Variants in PRTFDC1 observed in about 807,000 individuals in gnomAD.
The protein encoded by PRTFDC1 is phosphoribosyl transferase domain containing 1.
PRTFDC1 carries 38 observed loss-of-function variants against 34.6 expected under a neutral mutation model. That is an observed-to-expected ratio of 1.10 (90% CI 0.85 to 1.44). PRTFDC1 has a LOEUF of 1.44. Ranked by LOEUF, PRTFDC1 falls within the 40% of genes most tolerant of loss-of-function variation. The pLI, the probability that PRTFDC1 is intolerant of heterozygous loss-of-function variation, is 0.00. For synonymous variants in PRTFDC1, 93 were observed against 98.1 expected, an observed-to-expected ratio of 0.95 and a Z score of 0.31; for missense variants, 270 against 283.0, an observed-to-expected ratio of 0.95 and a Z score of 0.33.
At chr10:24,936,557 A>G (rs1015339187) in intron 3 of PRTFDC1, among the ~76,000 whole-genome samples, 3 of 152,178 alleles carry the variant, frequency 2.0e-5, no homozygotes, top group African/African-American at 7.2e-5. Context: ...AAGTGTTGGG[A>G]TTATATGCAT....
At chr10:24,889,382 C>T (rs1294424778) in intron 3 of PRTFDC1, among the ~76,000 whole-genome samples, 1 of 152,142 alleles carries the variant, frequency 6.6e-6, no homozygotes, top group Non-Finnish European at 1.5e-5. Flanking sequence ...ATAAGCCACC[C>T]AGTCTATGGT....
chr10:24,909,345 T>C (rs1258021031), intron 3 of PRTFDC1, among the ~76,000 whole-genome samples: 1 of 152,240 alleles, frequency 6.6e-6, no homozygotes, highest in Non-Finnish European at 1.5e-5. Context: ...TTAATACATA[T>C]GTGGCTATAA....
At chr10:24,949,353 G>T (rs1025978034) in intron 1 of PRTFDC1, among the ~76,000 whole-genome samples, 6 of 152,106 alleles carry the variant, frequency 3.9e-5, no homozygotes, top group Non-Finnish European at 8.8e-5. Flanking sequence ...AAAGTGCTGG[G>T]ATTACAGGTG....
chr10:24,880,813 C>CTCCT (rs1555046618), intron 3 of PRTFDC1, among the ~76,000 whole-genome samples: 1 of 114,928 alleles, frequency 8.7e-6, no homozygotes, highest in Non-Finnish European at 1.8e-5. Context: ...TACTGTCTTT[C>CTCCT]TCTTTCTTTC....
chr10:24,952,381 C>A lies in PRTFDC1; in HGVS notation c.48+147G>T, dbSNP rs1041480516. ...GGGGCGGGGAGAGGAGGCCCGGGTC[C>A]GAGGATGGAAGCGATCCCCGCCGGG... On this transcript the variant is annotated intron_variant, in intron 1 of 8. Coordinates refer to ENST00000320152, the MANE Select transcript of PRTFDC1 (RefSeq NM_020200.7). This position sits in a 1 kb window ranked among gnomAD's most constrained non-coding sequence, Gnocchi z 5.1. The A allele has an allele frequency of 5.5e-6, 5 of 914,924 alleles. No individual in the cohort carries two copies. Among genetic ancestry groups the A allele is most frequent in the Admixed American group, 2.2e-5 (1 of 46,464 alleles). 56.7% of individuals were successfully genotyped at this position (914,924 alleles called of 1,614,324 possible). A position where few individuals can be genotyped will look rare whatever the true frequency, so the allele number is the denominator to read the frequency against.
At chr10:24,890,596 G>A (rs1373941131) in intron 3 of PRTFDC1, among the ~76,000 whole-genome samples, 2 of 152,210 alleles carry the variant, frequency 1.3e-5, no homozygotes, top group Non-Finnish European at 2.9e-5. Context: ...GGAGGGAGGA[G>A]AAGAAGTTTG....
chr10:24,895,053 G>A (rs965038646), intron 3 of PRTFDC1, among the ~76,000 whole-genome samples: 21 of 152,096 alleles, frequency 1.4e-4, no homozygotes, highest in African/African-American at 4.6e-4. Context: ...TGCCTACGTC[G>A]TACCAGTCAA....
At chr10:24,851,562 C>G (rs1001262497) in intron 7 of PRTFDC1, 98 bp from the exon 8 acceptor site, 7 of 1,517,404 alleles carry the variant, frequency 4.6e-6, no homozygotes, top group Non-Finnish European at 6.1e-6. Context: ...AACTTGAGGA[C>G]CTTTCATTGA....
chr10:24,873,798 A>C (rs538928170), intron 3 of PRTFDC1, among the ~76,000 whole-genome samples: 3 of 152,150 alleles, frequency 2.0e-5, no homozygotes, highest in Admixed American at 2.0e-4. Flanking sequence ...TCATCTGGGA[A>C]GGGAAAAAAC....
At chr10:24,899,287 T>C (rs896022498) in intron 3 of PRTFDC1, among the ~76,000 whole-genome samples, 1 of 152,144 alleles carries the variant, frequency 6.6e-6, no homozygotes, top group Non-Finnish European at 1.5e-5. Context: ...TATTGGTCAA[T>C]GCTTTCTTTC....
chr10:24,942,491 A>G (rs1849178395), intron 1 of PRTFDC1, 55 bp from the exon 2 acceptor site: 6 of 1,393,002 alleles, frequency 4.3e-6, no homozygotes, highest in Non-Finnish European at 6.1e-6. Flanking sequence ...TTTGTTTAAA[A>G]CATAACAAAA....
intron 3 of PRTFDC1, among the ~76,000 whole-genome samples, chr10:24,880,187 A>C (rs954679330): frequency 6.6e-6 from 1 of 152,234 alleles, no homozygotes; most frequent in African/African-American, 2.4e-5. Context: ...GGTATTTTAT[A>C]ATAAATAGTA....
In PRTFDC1 at chr10:24,934,173, C is replaced by T. The variant is rs574817523; in HGVS notation, c.339+3011G>A. 2.6e-3 allele frequency among the ~76,000 whole-genome samples: 394 copies of T among 151,656 alleles called. 1 individual carries two copies. The highest frequency in any genetic ancestry group is 8.2e-3 in the African/African-American group (340 of 41,282). On this transcript the variant is annotated intron_variant, in intron 3 of 8. Coordinates refer to ENST00000320152, the MANE Select transcript of PRTFDC1 (RefSeq NM_020200.7). ...ATCCTTCAGCTGATGAATGGAGTAA[C>T]AAACTGCACTCTATCTATATAATCA... is the stretch of plus-strand genomic sequence containing the variant.
chr10:24,869,728 T>A (rs551284996), intron 4 of PRTFDC1, among the ~76,000 whole-genome samples: 5 of 152,184 alleles, frequency 3.3e-5, no homozygotes, highest in Non-Finnish European at 7.3e-5. Context: ...CCCCGTTGAA[T>A]CTCCTATGAG....
intron 1 of PRTFDC1, among the ~76,000 whole-genome samples, chr10:24,946,449 A>C (rs186281829): frequency 1.3e-5 from 2 of 152,334 alleles, no homozygotes; most frequent in Non-Finnish European, 2.9e-5. Flanking sequence ...TAGGAAAAAA[A>C]TGATAAGAAA....
intron 4 of PRTFDC1, chr10:24,868,108 T>A (rs898956528): frequency 3.3e-5 from 5 of 152,364 alleles, no homozygotes; most frequent in East Asian, 1.9e-4. Context: ...AATGGTTTTT[T>A]AAATTTATTT....
intron 3 of PRTFDC1, among the ~76,000 whole-genome samples, chr10:24,875,105 A>T (rs1182072919): frequency 6.6e-6 from 1 of 152,170 alleles, no homozygotes; most frequent in Non-Finnish European, 1.5e-5. Flanking sequence ...TAAATTACCC[A>T]GTCTCAGGTA....
intron 3 of PRTFDC1, among the ~76,000 whole-genome samples, chr10:24,891,596 C>G (rs1018739566): frequency 2.7e-5 from 4 of 150,208 alleles, no homozygotes; most frequent in African/African-American, 7.4e-5. Flanking sequence ...ACTTCAAGAC[C>G]AGCCAAGGCA....
At chr10:24,861,390 C>T (rs986200353) in intron 4 of PRTFDC1, among the ~76,000 whole-genome samples, 1 of 152,026 alleles carries the variant, frequency 6.6e-6, no homozygotes, top group Non-Finnish European at 1.5e-5. Context: ...GTCCTAGCCA[C>T]TTGGGAGATT....
Sources: allele counts gnomAD v4.1 joint callset (sites outside exome capture counted in the v4.1 genomes callset), GRCh38; gene constraint gnomAD v4.1.1; non-coding constraint Gnocchi (gnomAD v3.1); transcripts MANE v1.5; gene names NCBI Gene and HGNC (gene_info 2026-07-23, HGNC 2026-07-21).